Variants in REPIN1 observed in about 807,000 individuals in gnomAD.
REPIN1 encodes DNA-binding protein REPIN1.
In REPIN1, 4 loss-of-function variants were observed where a neutral mutation model predicts 5.7. The ratio of observed to expected loss-of-function variants is 0.71; its 90% CI spans 0.35 to 1.62. REPIN1 has a LOEUF of 1.62. Ranked by LOEUF, REPIN1 falls within the 40% of genes most tolerant of loss-of-function variation. The pLI is 0.05. For missense variants in REPIN1, 854 were observed against 901.0 expected (o/e 0.95, Z 0.67); for synonymous variants, 410 against 386.2 (o/e 1.06, Z -0.72).
In REPIN1 at chr7:150,372,798, C is replaced by G; in HGVS notation, c.1728C>G (p.Asp576Glu). The change falls in exon 3 of 3, where the codon GAC becomes GAG. Residue 576 changes from aspartate (D) to glutamate (E), a missense_variant. Coordinates refer to ENST00000489432, the MANE Select transcript of REPIN1 (RefSeq NM_001099695.2). ...HTGERPYACP[D>E]CDRSFSQKSN... Reference sequence around the variant, plus strand: ...GCGAGCGGCCCTACGCCTGTCCCGACTGCGACCGCAGCTTCAGCCAGAAGT... The same window carrying G: ...GCGAGCGGCCCTACGCCTGTCCCGAGTGCGACCGCAGCTTCAGCCAGAAGT... 1.9e-6 allele frequency: 3 copies of G among 1,612,298 alleles called. No homozygotes were observed. Among genetic ancestry groups the G allele is most frequent in the Non-Finnish European group, 2.5e-6 (3 of 1,179,976 alleles).
In REPIN1 at chr7:150,372,378, C is replaced by CTGCGGCAGGAGCT; in HGVS notation, c.1310_1322dup (p.Phe441LeufsTer221). The CTGCGGCAGGAGCT allele has an allele frequency of 6.7e-7, 1 of 1,492,284 alleles. No individual in the cohort carries two copies. Among genetic ancestry groups the CTGCGGCAGGAGCT allele is most frequent in the Non-Finnish European group, 8.9e-7 (1 of 1,128,226 alleles). 92.4% of individuals were successfully genotyped at this position (1,492,284 alleles called of 1,614,324 possible). ...CCCCCTCCCTCTACAGCTGCGACGACTGCGGCAGGAGCTTCCGGCTGGAGC... is the reference window on the plus strand; with the variant it reads ...CCCCCTCCCTCTACAGCTGCGACGACTGCGGCAGGAGCTTGCGGCAGGAGCTTCCGGCTGGAGC... On this transcript the variant is annotated frameshift_variant, in exon 3 of 3. Coordinates refer to ENST00000489432, the MANE Select transcript of REPIN1 (RefSeq NM_001099695.2). LOFTEE classifies it low-confidence loss of function (END_TRUNC).
chr7:150,370,944 A>G, intron 2 of REPIN1: 1 of 675,402 alleles, frequency 1.5e-6, no homozygotes, highest in Non-Finnish European at 2.7e-6. Flanking sequence ...TCCCTGTCTG[A>G]CACTGGGGTA....
In REPIN1 at chr7:150,371,525, G is replaced by C. The variant is rs1463910555; in HGVS notation, c.455G>C (p.Arg152Pro). Residue 152 changes from arginine to proline, a missense_variant, in exon 3 of 3, where the codon CGC (arginine) becomes CCC (proline). Physicochemically the swap from Arg to Pro is moderately radical, Grantham distance 103 (BLOSUM62 -2). This residue lies in a region of REPIN1 where 409 missense variants were observed against 418.6 expected (regional missense o/e 0.98). Transcript: ENST00000489432. ...TGCCCTGAGTGTGGCCGTCGCTTTC[G>C]CCATGCCCCCTTCTTAGCACTGCAC... ...LPCPECGRRF[R>P]HAPFLALHRQ... 6.2e-7 allele frequency: 1 copy of C among 1,605,570 alleles called. No homozygotes were observed. Among genetic ancestry groups the C allele is most frequent in the Non-Finnish European group, 8.5e-7 (1 of 1,179,626 alleles).
chr7:150,368,473 G>A (rs1799056870), upstream of REPIN1, among the ~76,000 whole-genome samples: 1 of 152,114 alleles, frequency 6.6e-6, no homozygotes, highest in Non-Finnish European at 1.5e-5. Context: ...TCATAAGGCA[G>A]CTAAGGCCGA....
In REPIN1 at chr7:150,369,808, C is replaced by G. The variant is rs1464427254; in HGVS notation, c.97C>G (p.Pro33Ala). ...CAGGCGCTGCAGCCGCGGAAGTATC[C>G]CCAGGAACATCCCCAAGAGGAGCTG... ...RSRRCSRGSI[P>A]RNIPKRSWKK... is the part of the protein sequence containing the mutation. Residue 33 changes from proline (P) to alanine (A), a missense_variant, in exon 2 of 3, where the codon CCC becomes GCC. By Grantham distance (27) the Pro-to-Ala change is conservative. Transcript: ENST00000489432. The G allele has an allele frequency of 1.9e-6, 3 of 1,613,704 alleles. No homozygotes were observed. The highest frequency in any genetic ancestry group is 4.5e-5 in the East Asian group (2 of 44,878).
At chr7:150,369,344 C>T (rs1799259094) in intron 1 of REPIN1, 4 of 382,368 alleles carry the variant, frequency 1.0e-5, no homozygotes, top group Non-Finnish European at 9.8e-6. Flanking sequence ...GGAAGGGGAG[C>T]CAGCAGGGAT....
In REPIN1 at chr7:150,373,937, C is replaced by G. The variant is rs765732778; in HGVS notation, c.*992C>G. On this transcript the variant is annotated 3_prime_UTR_variant, in exon 3 of 3. Coordinates refer to ENST00000489432, the MANE Select transcript of REPIN1 (RefSeq NM_001099695.2). ...CTTATAATGAATGAATTCTGCTTTCCTATAATTTCTACCTATTGGGCCTTG... is the reference window on the plus strand; with the variant it reads ...CTTATAATGAATGAATTCTGCTTTCGTATAATTTCTACCTATTGGGCCTTG... 1 of 167,032 alleles carries G rather than the reference C, an allele frequency of 6.0e-6. No individual in the cohort carries two copies. Among genetic ancestry groups the G allele is most frequent in the Non-Finnish European group, 1.5e-5 (1 of 68,130 alleles). The allele number at this position is 167,032 out of a possible 1,614,324, so 10.3% of individuals were successfully genotyped here.
At position 150,371,710 on chromosome 7, in the gene REPIN1, C is replaced by T. The variant is rs1250220164; in HGVS notation, c.640C>T (p.Arg214Ter). Residue 214 changes from arginine to a stop codon, truncating the protein, a stop_gained, in exon 3 of 3, where the codon CGA becomes TGA. Coordinates refer to ENST00000489432, the MANE Select transcript of REPIN1 (RefSeq NM_001099695.2). LOFTEE classifies it low-confidence loss of function (END_TRUNC). ...CAAATGCGAGAGACGCTTCTGGCGA[C>T]GAAAGCAGCTTCGAGCTCATCTGCG... ...CPKCERRFWR[R>*]KQLRAHLRRC... is the part of the protein sequence containing the mutation. 1.9e-6 allele frequency: 3 copies of T among 1,607,450 alleles called. No homozygotes were observed. Among genetic ancestry groups the T allele is most frequent in the South Asian group, 1.1e-5 (1 of 91,046 alleles).
At chr7:150,368,717 C>A, upstream of REPIN1, 1 of 254,730 alleles carries the variant, frequency 3.9e-6, no homozygotes, top group Non-Finnish European at 7.3e-6. Flanking sequence ...CAGTCCCTCC[C>A]CGCCCCCAGG....
chr7:150,370,324 G>A (rs1388726523), intron 2 of REPIN1: 2 of 253,276 alleles, frequency 7.9e-6, no homozygotes, highest in Non-Finnish European at 1.6e-5. Context: ...GAGGGCAGCA[G>A]GCTGTGGGTG....
At position 150,372,496 on chromosome 7, in the gene REPIN1, G is replaced by A; in HGVS notation, c.1426G>A (p.Val476Met). ...GKNFGKKTHL[V>M]AHSRVHSGER... ...GAACTTCGGCAAGAAGACGCACCTG[G>A]TGGCGCACTCGCGCGTGCACTCCGG... The change falls in exon 3 of 3, where the codon GTG (valine) becomes ATG (methionine). Residue 476 changes from valine (V) to methionine (M), a missense_variant. Around this residue, in one of 5 missense-constraint regions of REPIN1, gnomAD observed 327 missense variants for 307.8 expected, o/e 1.06. Transcript: ENST00000489432. The A allele has an allele frequency of 6.5e-7, 1 of 1,546,328 alleles. No individual in the cohort carries two copies. Among genetic ancestry groups the A allele is most frequent in the Admixed American group, 1.9e-5 (1 of 51,690 alleles).
upstream of REPIN1, chr7:150,368,720 C>T (rs1227498774): frequency 1.2e-5 from 3 of 256,646 alleles, no homozygotes; most frequent in Admixed American, 5.4e-5. Flanking sequence ...TCCCTCCCCG[C>T]CCCCAGGCCG....
rs774670558 is a variant in REPIN1 at position 150,372,429 on chromosome 7, G to A, written c.1359G>A (p.Gln453=). ...LERFLRAHQR[Q]HTGERPFTCA... is the part of the protein sequence containing the mutation. ...GCTTCCTGCGGGCCCACCAGCGGCAGCACACCGGGGAGCGGCCCTTCACCT... is the reference window on the plus strand; with the variant it reads ...GCTTCCTGCGGGCCCACCAGCGGCAACACACCGGGGAGCGGCCCTTCACCT... The change falls in exon 3 of 3, where the codon CAG becomes CAA. Residue 453 remains glutamine, a synonymous_variant. Coordinates refer to ENST00000489432, the MANE Select transcript of REPIN1 (RefSeq NM_001099695.2). 3 of 1,505,218 alleles carry A rather than the reference G, an allele frequency of 2.0e-6. No individual in the cohort carries two copies. The highest frequency in any genetic ancestry group is 8.8e-7 in the Non-Finnish European group (1 of 1,135,016). The allele number at this position is 1,505,218 out of a possible 1,614,324, so 93.2% of individuals were successfully genotyped here. A position where few individuals can be genotyped will look rare whatever the true frequency, so the allele number is the denominator to read the frequency against.
chr7:150,372,455 G>T lies in REPIN1; in HGVS notation c.1385G>T (p.Cys462Phe). ...CACACCGGGGAGCGGCCCTTCACCT[G>T]CGCCGAGTGCGGGAAGAACTTCGGC... Reference protein sequence around the residue: ...RQHTGERPFTCAECGKNFGKK... With the variant: ...RQHTGERPFTFAECGKNFGKK... The change falls in exon 3 of 3, where the codon TGC becomes TTC. Residue 462 changes from cysteine to phenylalanine, a missense_variant. Cys to Phe is a radical substitution (Grantham distance 205). This residue lies in a region of REPIN1 where 327 missense variants were observed against 307.8 expected (regional missense o/e 1.06). Coordinates refer to ENST00000489432, the MANE Select transcript of REPIN1 (RefSeq NM_001099695.2). 1 of 1,531,974 alleles carries T rather than the reference G, an allele frequency of 6.5e-7. No homozygotes were observed. Among genetic ancestry groups the T allele is most frequent in the Non-Finnish European group, 8.7e-7 (1 of 1,145,778 alleles). The allele number at this position is 1,531,974 out of a possible 1,614,324, so 94.9% of individuals were successfully genotyped here.
rs1241515383 is a variant in REPIN1 at position 150,372,213 on chromosome 7, C to A, written c.1143C>A (p.Ala381=). 3.8e-6 allele frequency: 6 copies of A among 1,583,130 alleles called. No individual in the cohort carries two copies. In the Admixed American group the frequency reaches 1.1e-4, roughly 28 times the overall value. The stretch of plus-strand genomic sequence containing the variant: ...GATCCGAGGGGTCGGCCCAGGCCGC[C>A]CCCGGCCCGGGGAGCCCCCAGCTGC... ...HKRSEGSAQA[A]PGPGSPQLPA... The change falls in exon 3 of 3, where the codon GCC becomes GCA. Residue 381 remains alanine (A), a synonymous_variant. Coordinates refer to ENST00000489432, the MANE Select transcript of REPIN1 (RefSeq NM_001099695.2).
rs1799962821 is a variant in REPIN1, at chr7:150,372,577, C to G, written c.1507C>G (p.Leu503Val). Residue 503 changes from leucine to valine, a missense_variant, in exon 3 of 3, where the codon CTG (leucine) becomes GTG (valine). Leu to Val is a conservative substitution (Grantham distance 32). This residue lies in a region of REPIN1 where 327 missense variants were observed against 307.8 expected (regional missense o/e 1.06). Coordinates refer to ENST00000489432, the MANE Select transcript of REPIN1 (RefSeq NM_001099695.2). ...CGRRFSQGSH[L>V]AAHRRDHAPD... ...CCGCCGCTTCTCCCAGGGCAGCCATCTGGCGGCGCATCGGCGCGACCACGC... is the reference window on the plus strand; with the variant it reads ...CCGCCGCTTCTCCCAGGGCAGCCATGTGGCGGCGCATCGGCGCGACCACGC... 1 of 1,601,746 alleles carries G rather than the reference C, an allele frequency of 6.2e-7. No individual in the cohort carries two copies. The highest frequency in any genetic ancestry group is 8.5e-7 in the Non-Finnish European group (1 of 1,176,626).
In REPIN1 at chr7:150,372,883, T is replaced by A; in HGVS notation, c.1813T>A (p.Cys605Ser). ...GGACGGCGCCTTCTGCTGTGCCATC[T>A]GTGGCCAGACCTTCGACGACGAGGA... ...IRDGAFCCAI[C>S]GQTFDDEERL... The change falls in exon 3 of 3, where the codon TGT (cysteine) becomes AGT (serine). Residue 605 changes from cysteine to serine, a missense_variant. Physicochemically the swap from Cys to Ser is moderately radical, Grantham distance 112 (BLOSUM62 -1). Transcript: ENST00000489432. 6.2e-7 allele frequency: 1 copy of A among 1,613,384 alleles called. No homozygotes were observed. Among genetic ancestry groups the A allele is most frequent in the Non-Finnish European group, 8.5e-7 (1 of 1,180,012 alleles).
At chr7:150,368,128 C>T (rs914579729), upstream of REPIN1, 1 of 152,252 alleles carries the variant, frequency 6.6e-6, no homozygotes, top group Non-Finnish European at 1.5e-5. Context: ...CCTTTCCAAG[C>T]GAAATGCCCC....
At position 150,372,425 on chromosome 7, in the gene REPIN1, G is replaced by T. The variant is rs182100722; in HGVS notation, c.1355G>T (p.Arg452Leu). 4.8e-4 allele frequency: 722 copies of T among 1,502,194 alleles called. 7 individuals carry two copies. The African/African-American group carries it at 9.1e-3, about 19-fold the overall frequency. The allele number at this position is 1,502,194 out of a possible 1,614,324, so 93.1% of individuals were successfully genotyped here. A position where few individuals can be genotyped will look rare whatever the true frequency, so the allele number is the denominator to read the frequency against. ...GAGCGCTTCCTGCGGGCCCACCAGC[G>T]GCAGCACACCGGGGAGCGGCCCTTC... The part of the protein sequence containing the change: ...RLERFLRAHQ[R>L]QHTGERPFTC... Residue 452 changes from arginine (R) to leucine (L), a missense_variant, in exon 3 of 3, where the codon CGG (arginine) becomes CTG (leucine). Physicochemically the swap from Arg to Leu is moderately radical, Grantham distance 102. This residue lies in a region of REPIN1 where 327 missense variants were observed against 307.8 expected (regional missense o/e 1.06). Transcript: ENST00000489432.
Sources: allele counts gnomAD v4.1 joint callset (sites outside exome capture counted in the v4.1 genomes callset), GRCh38; gene constraint gnomAD v4.1.1; regional missense constraint gnomAD v4.1.1; transcripts MANE v1.5; gene names NCBI Gene and HGNC (gene_info 2026-07-23, HGNC 2026-07-21).